Variants in RNF138 observed in about 807,000 individuals in gnomAD.
RNF138 encodes the protein E3 ubiquitin-protein ligase RNF138.
In RNF138, 12 loss-of-function variants were observed where a neutral mutation model predicts 31.0. The observed-to-expected ratio is 0.39, with a 90% CI of 0.25 to 0.63. RNF138 has a LOEUF of 0.63. RNF138 is among the 20% of genes least tolerant of loss of function. The pLI is 0.52. For missense variants in RNF138, 192 were observed against 300.1 expected (o/e 0.64, Z 2.66); for synonymous variants, 105 against 99.5 (o/e 1.06, Z -0.33).
At chr18:32,100,741 G>C (rs1425014558) in intron 2 of RNF138, among the ~76,000 whole-genome samples, 1 of 152,078 alleles carries the variant, frequency 6.6e-6, no homozygotes, top group African/African-American at 2.4e-5. Context: ...CTACCAAAGT[G>C]TTGGGATTAC....
At position 32,121,147 on chromosome 18, in the gene RNF138, AC is replaced by A. The variant is rs1239932018; in HGVS notation, c.393-2370del. 1.3e-4 allele frequency among the ~76,000 whole-genome samples: 19 copies of A among 150,364 alleles called. 1 individual carries two copies. In the South Asian group the frequency reaches 1.7e-3, roughly 13 times the overall value. On this transcript the variant is annotated intron_variant, in intron 4 of 7. Coordinates refer to ENST00000261593, the MANE Select transcript of RNF138 (RefSeq NM_016271.5). Reference sequence around the variant, plus strand: ...TGAGACTGTCTCAAAAAAAAACAAAACAAAAAAAAAGCAGATCCAAATGGAA... The same window carrying A: ...TGAGACTGTCTCAAAAAAAAACAAAAAAAAAAAAAGCAGATCCAAATGGAA...
At chr18:32,093,768 A>G (rs1478765763) in intron 2 of RNF138, among the ~76,000 whole-genome samples, 1 of 152,182 alleles carries the variant, frequency 6.6e-6, no homozygotes, top group Non-Finnish European at 1.5e-5. Flanking sequence ...TTTTATGGAC[A>G]GCTAGGGTGT....
intron 4 of RNF138, among the ~76,000 whole-genome samples, chr18:32,122,124 T>G (rs4239373): frequency 6.6e-6 from 1 of 151,822 alleles, no homozygotes; most frequent in Admixed American, 6.6e-5. Flanking sequence ...GCCTCAGCCT[T>G]GCAAAGTGCT....
At chr18:32,128,011 C>A (rs2040409975) in intron 7 of RNF138, among the ~76,000 whole-genome samples, 1 of 152,166 alleles carries the variant, frequency 6.6e-6, no homozygotes, top group Non-Finnish European at 1.5e-5. Flanking sequence ...ACCCGGGAGG[C>A]AGAGCTTGCA....
intron 4 of RNF138, chr18:32,122,323 CAG>C (rs2040319512): frequency 1.3e-5 from 2 of 152,068 alleles, no homozygotes; most frequent in East Asian, 1.9e-4. Flanking sequence ...TGAAAGTAAA[CAG>C]AAAAGAAAGA....
intron 4 of RNF138, among the ~76,000 whole-genome samples, chr18:32,115,013 GT>G (rs111887117): frequency 6.6e-6 from 1 of 151,112 alleles, no homozygotes; most frequent in African/African-American, 2.4e-5. Flanking sequence ...TGCTCTTATA[GT>G]TTTTTTTTAG....
intron 2 of RNF138, among the ~76,000 whole-genome samples, chr18:32,106,106 C>G (rs979977074): frequency 9.2e-5 from 14 of 152,262 alleles, no homozygotes; most frequent in African/African-American, 2.6e-4. Context: ...TTATCCCTCT[C>G]TTCTTTTAAA....
Position 32,120,516 on chromosome 18 carries a change from GTGTTTC to G in RNF138, c.393-2998_393-2993del, listed in dbSNP as rs573144326. 3.1e-3 allele frequency among the ~76,000 whole-genome samples: 472 copies of G among 152,220 alleles called. 3 individuals carry two copies. Among genetic ancestry groups the G allele is most frequent in the African/African-American group, 0.011 (455 of 41,546 alleles). The stretch of plus-strand genomic sequence containing the variant: ...TTATTATGGAGATTGAATTTTATTG[GTGTTTC>G]TGTATCTGATAAAATCATAAGTTTT... On this transcript the variant is annotated intron_variant, in intron 4 of 7. Coordinates refer to ENST00000261593, the MANE Select transcript of RNF138 (RefSeq NM_016271.5).
At chr18:32,125,585 A>G (rs375862187) in intron 6 of RNF138, among the ~76,000 whole-genome samples, 1 of 152,164 alleles carries the variant, frequency 6.6e-6, no homozygotes, top group East Asian at 1.9e-4. Context: ...ATCAATAAGA[A>G]CTGTAGATAT....
chr18:32,107,764 G>A (rs551604513), intron 2 of RNF138, among the ~76,000 whole-genome samples: 2 of 147,338 alleles, frequency 1.4e-5, no homozygotes, highest in African/African-American at 2.5e-5. Context: ...TTATCCACCC[G>A]CCTCAGCCTC....
intron 4 of RNF138, among the ~76,000 whole-genome samples, chr18:32,115,432 A>G (rs2040198708): frequency 6.6e-6 from 1 of 152,164 alleles, no homozygotes. Flanking sequence ...TCGCCAAAGT[A>G]ATATTAATGA....
chr18:32,117,691 C>T (rs2040239632), intron 4 of RNF138, among the ~76,000 whole-genome samples: 1 of 152,162 alleles, frequency 6.6e-6, no homozygotes, highest in South Asian at 2.1e-4. Context: ...TAATCTGTGT[C>T]ACTTTCATTC....
intron 5 of RNF138, 78 bp downstream of exon 5, chr18:32,123,652 CTT>C (rs375810742): frequency 0.015 from 9,500 of 623,598 alleles, no homozygotes; most frequent in South Asian, 0.018. Flanking sequence ...TTAAATTAAA[CTT>C]TTTTTTTTTT....
At chr18:32,120,302 A>G (rs2040282918) in intron 4 of RNF138, among the ~76,000 whole-genome samples, 1 of 152,158 alleles carries the variant, frequency 6.6e-6, no homozygotes. Context: ...TTAAAAACAT[A>G]TATACATCTG....
chr18:32,096,753 A>G (rs909208742), intron 2 of RNF138, among the ~76,000 whole-genome samples: 4 of 152,038 alleles, frequency 2.6e-5, no homozygotes, highest in East Asian at 1.9e-4. Context: ...TTTTTTTGAA[A>G]TAGGGTCTCG....
chr18:32,092,221 C>T lies in RNF138; in HGVS notation c.-92C>T, dbSNP rs2039702103. 6.5e-6 allele frequency: 1 copy of T among 152,812 alleles called. No homozygotes were observed. Among genetic ancestry groups the T allele is most frequent in the South Asian group, 1.9e-4 (1 of 5,240 alleles). 9.5% of individuals were successfully genotyped at this position (152,812 alleles called of 1,614,324 possible). ...AAAAGCAGCTCCGTCCACAACGCCG[C>T]TTCGGGGCTCCTAGGTGAGAGTCTC... On this transcript the variant is annotated 5_prime_UTR_variant, in exon 1 of 8. Transcript: ENST00000261593.
intron 2 of RNF138, among the ~76,000 whole-genome samples, chr18:32,101,214 CT>C (rs781488612): frequency 3.6e-4 from 50 of 137,714 alleles, no homozygotes; most frequent in South Asian, 9.5e-4. Context: ...TTATAGGTTT[CT>C]TTTTTTTTTT....
In RNF138 at chr18:32,130,560, G is replaced by C. The variant is rs1252228157; in HGVS notation, c.*1373G>C. ...GTTTATGCTTTCTTTAAAATAACTA[G>C]AAGAACATAAAAGAAAGAGAATCTC... On this transcript the variant is annotated 3_prime_UTR_variant, in exon 8 of 8. Coordinates refer to ENST00000261593, the MANE Select transcript of RNF138 (RefSeq NM_016271.5). The C allele has an allele frequency of 6.6e-6, 1 of 152,304 alleles. No homozygotes were observed. The highest frequency in any genetic ancestry group is 1.5e-5 in the Non-Finnish European group (1 of 67,844). 9.4% of individuals were successfully genotyped at this position (152,304 alleles called of 1,614,324 possible). A position where few individuals can be genotyped will look rare whatever the true frequency, so the allele number is the denominator to read the frequency against.
intron 6 of RNF138, chr18:32,125,146 C>A (rs889087725): frequency 9.1e-6 from 2 of 219,296 alleles, no homozygotes; most frequent in Non-Finnish European, 1.8e-5. Context: ...CACAACCTGT[C>A]TATTGAGGCC....
Sources: gnomAD v4.1 joint callset for allele counts (sites outside exome capture counted in the v4.1 genomes callset) on GRCh38, gnomAD v4.1.1 for gene constraint, MANE v1.5 for transcripts, NCBI Gene and HGNC (gene_info 2026-07-23, HGNC 2026-07-21) for gene names.